Variants in EEPD1 observed in about 807,000 individuals in gnomAD.
The protein encoded by EEPD1 is endonuclease/exonuclease/phosphatase family domain containing 1.
A neutral mutation model predicts 46.3 loss-of-function variants in EEPD1; 17 were observed. The observed-to-expected ratio is 0.37, with a 90% CI of 0.25 to 0.55. EEPD1 has a LOEUF of 0.55. Among genes scored for constraint, EEPD1 ranks in the 20% least tolerant of loss-of-function variants. The probability of loss-of-function intolerance (pLI) is 0.83; values close to 1 mark genes in which losing one functional copy is unlikely to be tolerated. For synonymous variants in EEPD1, 313 were observed against 315.6 expected, an observed-to-expected ratio of 0.99 and a Z score of 0.09; for missense variants, 673 against 745.6, an observed-to-expected ratio of 0.90 and a Z score of 1.13.
At chr7:36,236,895 A>C (rs1786455935) in intron 2 of EEPD1, among the ~76,000 whole-genome samples, 1 of 152,208 alleles carries the variant, frequency 6.6e-6, no homozygotes, top group Non-Finnish European at 1.5e-5. Flanking sequence ...CAGATAAGGG[A>C]ATAAAAGCAG....
chr7:36,258,434 C>T (rs939665823), intron 3 of EEPD1, among the ~76,000 whole-genome samples: 4 of 152,238 alleles, frequency 2.6e-5, no homozygotes, highest in Non-Finnish European at 5.9e-5. Flanking sequence ...ACAGCCACCC[C>T]TTCCCCCAGG....
intron 2 of EEPD1, among the ~76,000 whole-genome samples, chr7:36,235,927 C>CTT (rs35122231): frequency 0.012 from 1,654 of 138,560 alleles, 12 homozygotes; most frequent in Non-Finnish European, 0.017. Flanking sequence ...GAACTTTTTC[C>CTT]TTTTTTTTTT....
intron 2 of EEPD1, among the ~76,000 whole-genome samples, chr7:36,185,317 C>A (rs958487180): frequency 7.9e-5 from 12 of 152,234 alleles, no homozygotes; most frequent in African/African-American, 2.7e-4. Context: ...CCTGCTGTTG[C>A]ATGTAACTGT....
At chr7:36,161,586 A>G (rs561757591) in intron 2 of EEPD1, among the ~76,000 whole-genome samples, 10 of 152,260 alleles carry the variant, frequency 6.6e-5, no homozygotes, top group Admixed American at 4.6e-4. Context: ...ACTGAGGCTT[A>G]TGATCCAAAA....
chr7:36,296,692 GTCT>G (rs1787529454), intron 6 of EEPD1, among the ~76,000 whole-genome samples: 1 of 99,878 alleles, frequency 1.0e-5, no homozygotes, highest in South Asian at 3.3e-4. Flanking sequence ...AGACCCTTAG[GTCT>G]TTTTTTTTTT....
At chr7:36,196,313 G>GT (rs1785583042) in intron 2 of EEPD1, among the ~76,000 whole-genome samples, 1 of 151,692 alleles carries the variant, frequency 6.6e-6, no homozygotes, top group South Asian at 2.1e-4. Context: ...TTTTTTTAAA[G>GT]TAACTGCTGT....
At chr7:36,272,614 C>T (rs575985198) in intron 3 of EEPD1, among the ~76,000 whole-genome samples, 3 of 151,188 alleles carry the variant, frequency 2.0e-5, no homozygotes, top group South Asian at 2.1e-4. Context: ...AACCAGCAGT[C>T]GCTCGTGGTG....
chr7:36,239,552 G>A (rs760699243), intron 3 of EEPD1, among the ~76,000 whole-genome samples: 23 of 152,108 alleles, frequency 1.5e-4, no homozygotes, highest in Admixed American at 3.3e-4. Context: ...AAGTTCATGC[G>A]TTTTTATCTC....
At chr7:36,243,308 G>T (rs1224935051) in intron 3 of EEPD1, among the ~76,000 whole-genome samples, 9 of 147,576 alleles carry the variant, frequency 6.1e-5, no homozygotes, top group South Asian at 2.1e-4. Context: ...ATTAAGCCTG[G>T]TTTTTTTTTT....
intron 2 of EEPD1, among the ~76,000 whole-genome samples, chr7:36,157,359 A>G (rs1314963801): frequency 2.6e-5 from 4 of 152,198 alleles, no homozygotes; most frequent in East Asian, 1.9e-4. Flanking sequence ...ATGAATGTGA[A>G]GGGTAGAGAA....
chr7:36,215,372 A>G (rs1485371715), intron 2 of EEPD1, among the ~76,000 whole-genome samples: 6 of 152,334 alleles, frequency 3.9e-5, no homozygotes, highest in East Asian at 1.9e-4. Flanking sequence ...AAGGGGCCCA[A>G]CCTTTTAACT....
chr7:36,266,210 A>T (rs1280398852), intron 3 of EEPD1, among the ~76,000 whole-genome samples: 1 of 152,180 alleles, frequency 6.6e-6, no homozygotes, highest in African/African-American at 2.4e-5. Context: ...CATTTCAATA[A>T]TTACTCACAA....
chr7:36,243,597 G>A (rs1786591193), intron 3 of EEPD1, among the ~76,000 whole-genome samples: 1 of 152,150 alleles, frequency 6.6e-6, no homozygotes, highest in Admixed American at 6.6e-5. Flanking sequence ...TAGCCAGACA[G>A]TCCCAACAGT....
chr7:36,245,336 C>A (rs1275090313), intron 3 of EEPD1, among the ~76,000 whole-genome samples: 1 of 152,162 alleles, frequency 6.6e-6, no homozygotes, highest in Non-Finnish European at 1.5e-5. Context: ...CTTCCTTGCT[C>A]CAGTGGTCCT....
At chr7:36,274,886 G>GTT (rs1787161034) in intron 3 of EEPD1, among the ~76,000 whole-genome samples, 1 of 152,130 alleles carries the variant, frequency 6.6e-6, no homozygotes, top group Non-Finnish European at 1.5e-5. Flanking sequence ...TCTGTCATTT[G>GTT]CCCTGTGTCC....
At chr7:36,197,412 G>T (rs957895917) in intron 2 of EEPD1, among the ~76,000 whole-genome samples, 15 of 152,228 alleles carry the variant, frequency 9.9e-5, no homozygotes, top group Non-Finnish European at 1.3e-4. Context: ...TCTGGGAGGT[G>T]TACCCAACAG....
chr7:36,269,399 G>A (rs1583472781), intron 3 of EEPD1, among the ~76,000 whole-genome samples: 1 of 152,128 alleles, frequency 6.6e-6, no homozygotes, highest in African/African-American at 2.4e-5. Flanking sequence ...TTCACAACTG[G>A]TCCCAGCTAC....
At chr7:36,287,006 T>G (rs1256630986) in intron 5 of EEPD1, among the ~76,000 whole-genome samples, 3 of 151,904 alleles carry the variant, frequency 2.0e-5, no homozygotes, top group Non-Finnish European at 4.4e-5. Flanking sequence ...GAGGATCACT[T>G]GAGGGCAGGA....
intron 3 of EEPD1, among the ~76,000 whole-genome samples, chr7:36,262,908 C>T (rs2115833498): frequency 6.6e-6 from 1 of 152,294 alleles, no homozygotes; most frequent in Non-Finnish European, 1.5e-5. Flanking sequence ...AGTTTTACAA[C>T]CGCCTGACCA....
Sources: gnomAD v4.1 joint callset for allele counts (sites outside exome capture counted in the v4.1 genomes callset) on GRCh38, gnomAD v4.1.1 for gene constraint, MANE v1.5 for transcripts, NCBI Gene and HGNC (gene_info 2026-07-23, HGNC 2026-07-21) for gene names.